Variants in SMCO4 observed in about 807,000 individuals in gnomAD.
The protein encoded by SMCO4 is single-pass membrane and coiled-coil domain-containing protein 4.
A neutral mutation model predicts 3.6 loss-of-function variants in SMCO4; 4 were observed. That is an observed-to-expected ratio of 1.11 (90% confidence interval 0.54 to 2.53). The LOEUF is 2.53. SMCO4 is among the 30% of genes most tolerant of loss of function. The probability of loss-of-function intolerance (pLI) is 0.02; values close to 1 mark genes in which losing one functional copy is unlikely to be tolerated. For synonymous variants in SMCO4, 36 were observed against 35.3 expected, an observed-to-expected ratio of 1.02 and a Z score of -0.07; for missense variants, 70 against 80.8, an observed-to-expected ratio of 0.87 and a Z score of 0.51.
At chr11:93,550,711 G>T in the SMCO4 span, among the ~76,000 whole-genome samples, 1 of 152,002 alleles carries the variant, frequency 6.6e-6, no homozygotes, top group Non-Finnish European at 1.5e-5. Context: ...TTCAGGGAAA[G>T]TATGTGGCAG....
At chr11:93,521,823 C>A (rs974221088) in intron 1 of SMCO4, among the ~76,000 whole-genome samples, 3 of 152,172 alleles carry the variant, frequency 2.0e-5, no homozygotes, top group African/African-American at 7.2e-5. Flanking sequence ...AACATCCCTG[C>A]CGCCAAGGAC....
intron 1 of SMCO4, among the ~76,000 whole-genome samples, chr11:93,515,963 T>C (rs1047040429): frequency 1.3e-5 from 2 of 152,188 alleles, no homozygotes; most frequent in African/African-American, 4.8e-5. Flanking sequence ...CCAAATGCAG[T>C]AAAACTGGTT....
chr11:93,486,683 G>C (rs1335442589), intron 2 of SMCO4, among the ~76,000 whole-genome samples: 1 of 152,158 alleles, frequency 6.6e-6, no homozygotes, highest in African/African-American at 2.4e-5. Context: ...AGGGAGCCAA[G>C]GATGTCACAG....
chr11:93,495,157 G>A (rs1948759740), intron 2 of SMCO4, among the ~76,000 whole-genome samples: 1 of 152,008 alleles, frequency 6.6e-6, no homozygotes, highest in South Asian at 2.1e-4. Flanking sequence ...CATCTCAAGG[G>A]TCACATGACT....
At chr11:93,541,623 C>T (rs1445147900) in intron 1 of SMCO4, among the ~76,000 whole-genome samples, 1 of 152,138 alleles carries the variant, frequency 6.6e-6, no homozygotes, top group Non-Finnish European at 1.5e-5. Flanking sequence ...AGGTGAAATA[C>T]ACACTTTCTA....
At chr11:93,519,984 C>T (rs141365768) in intron 1 of SMCO4, among the ~76,000 whole-genome samples, 82 of 152,238 alleles carry the variant, frequency 5.4e-4, no homozygotes, top group African/African-American at 1.9e-3. Flanking sequence ...ACACTACGAA[C>T]ATAAAATCAA....
chr11:93,493,844 C>T (rs1455934237), intron 2 of SMCO4, among the ~76,000 whole-genome samples: 8 of 152,184 alleles, frequency 5.3e-5, no homozygotes, highest in African/African-American at 1.7e-4. Flanking sequence ...CTAGATGATA[C>T]AAGACTGTCC....
At chr11:93,524,686 G>T (rs141302972) in intron 1 of SMCO4, among the ~76,000 whole-genome samples, 1 of 152,256 alleles carries the variant, frequency 6.6e-6, no homozygotes, top group Non-Finnish European at 1.5e-5. Flanking sequence ...CTACAAAAGT[G>T]CTTAGTCCTC....
chr11:93,514,410 A>ATG lies in SMCO4; in HGVS notation c.-153-15063_-153-15062insCA, dbSNP rs1565383085. ...TATATATATATATATATATATATAT[A>ATG]TATATATATATAAAATTTGGTCTCT... On this transcript the variant is annotated intron_variant, in intron 1 of 2. Transcript: ENST00000298966. Among the ~76,000 whole-genome samples, 106 of 34,984 alleles carry ATG rather than the reference A, an allele frequency of 3.0e-3. 3 individuals carry two copies. Among genetic ancestry groups the ATG allele is most frequent in the African/African-American group, 9.1e-3 (102 of 11,218 alleles). The allele number at this position is 34,984 out of a possible 152,430, so 23.0% of individuals were successfully genotyped here.
intron 1 of SMCO4, among the ~76,000 whole-genome samples, chr11:93,513,512 A>G (rs1948977709): frequency 6.6e-6 from 1 of 152,236 alleles, no homozygotes; most frequent in Admixed American, 6.5e-5. Flanking sequence ...GCAATGGAAG[A>G]GAGGGCAATA....
intron 2 of SMCO4, among the ~76,000 whole-genome samples, chr11:93,497,677 C>G (rs983517412): frequency 2.0e-5 from 3 of 152,182 alleles, no homozygotes; most frequent in East Asian, 3.9e-4. Flanking sequence ...GAACCCCATT[C>G]ACATCAGTTC....
intron 1 of SMCO4, among the ~76,000 whole-genome samples, chr11:93,520,471 C>A (rs372618574): frequency 6.6e-6 from 1 of 152,208 alleles, no homozygotes; most frequent in Non-Finnish European, 1.5e-5. Context: ...CAAAGTCAAA[C>A]ACCTTGTTGG....
intron 1 of SMCO4, among the ~76,000 whole-genome samples, chr11:93,540,117 T>G (rs369616683): frequency 1.3e-5 from 2 of 152,142 alleles, no homozygotes; most frequent in South Asian, 4.1e-4. Context: ...TTGCGCGTGC[T>G]GGGGCTTAGG....
chr11:93,503,848 G>C (rs1262711365), intron 1 of SMCO4, among the ~76,000 whole-genome samples: 1 of 152,176 alleles, frequency 6.6e-6, no homozygotes, highest in Non-Finnish European at 1.5e-5. Flanking sequence ...GCTATTTTAA[G>C]CCACTCTGTT....
intron 1 of SMCO4, among the ~76,000 whole-genome samples, chr11:93,533,380 T>C (rs955042620): frequency 7.9e-5 from 12 of 152,182 alleles, no homozygotes; most frequent in Non-Finnish European, 1.6e-4. Context: ...CAGACCTTTG[T>C]AAAGTGCCTA....
chr11:93,503,947 A>G (rs1948873782), intron 1 of SMCO4, among the ~76,000 whole-genome samples: 1 of 152,264 alleles, frequency 6.6e-6, no homozygotes, highest in Admixed American at 6.5e-5. Context: ...GTTAAATGGA[A>G]TAAGAAGAAA....
rs1260260154 is a variant in SMCO4, at chr11:93,478,744, CACACACACAT to C, written c.*256_*265del. Reference sequence around the variant, plus strand: ...ACACACACACACACACACACACACACACACACACATGCGCGCGCGCTTTGAAGTCTGAAAG... The same window carrying C: ...ACACACACACACACACACACACACACGCGCGCGCGCTTTGAAGTCTGAAAG... On this transcript the variant is annotated 3_prime_UTR_variant, in exon 3 of 3. Transcript: ENST00000298966. 265 of 744,976 alleles carry C rather than the reference CACACACACAT, an allele frequency of 3.6e-4. No individual in the cohort carries two copies. The African/African-American group carries it at 4.4e-3, about 12-fold the overall frequency. 46.1% of individuals were successfully genotyped at this position (744,976 alleles called of 1,614,324 possible).
At chr11:93,479,829 C>T (rs567474381) in intron 2 of SMCO4, among the ~76,000 whole-genome samples, 1 of 152,120 alleles carries the variant, frequency 6.6e-6, no homozygotes, top group Non-Finnish European at 1.5e-5. Flanking sequence ...AAGCACCCAC[C>T]GTGTGCCAAG....
At chr11:93,507,859 CA>C (rs1482946558) in intron 1 of SMCO4, among the ~76,000 whole-genome samples, 8 of 152,112 alleles carry the variant, frequency 5.3e-5, no homozygotes, top group Non-Finnish European at 1.0e-4. Flanking sequence ...AGAATGAATG[CA>C]AAAGCATTTA....
Sources: gnomAD v4.1 joint callset for allele counts (sites outside exome capture counted in the v4.1 genomes callset) on GRCh38, gnomAD v4.1.1 for gene constraint, MANE v1.5 for transcripts, NCBI Gene and HGNC (gene_info 2026-07-23, HGNC 2026-07-21) for gene names.